Variants in GNL1 observed in about 807,000 individuals in gnomAD.
GNL1 encodes the protein G protein nucleolar 1, also known as guanine nucleotide-binding protein-like 1.
In GNL1, 21 loss-of-function variants were observed where a neutral mutation model predicts 75.2. The observed-to-expected ratio is 0.28, with a 90% CI of 0.20 to 0.40. The LOEUF is 0.40. Among genes scored for constraint, GNL1 ranks in the 10% least tolerant of loss-of-function variants. The probability of loss-of-function intolerance (pLI) is 1.00; values close to 1 mark genes in which losing one functional copy is unlikely to be tolerated. For missense variants in GNL1, 579 were observed against 775.0 expected (o/e 0.75, Z 3.00); for synonymous variants, 287 against 303.4 (o/e 0.95, Z 0.56).
At chr6:30,553,907 G>A (rs1799963871) in intron 5 of GNL1, among the ~76,000 whole-genome samples, 1 of 152,228 alleles carries the variant, frequency 6.6e-6, no homozygotes, top group African/African-American at 2.4e-5. Context: ...AACTATGTAA[G>A]TGTGTACACG....
rs1800076003 is a variant in GNL1 at position 30,555,269 on chromosome 6, A to G, written c.240-78T>C. The G allele has an allele frequency of 1.9e-6, 3 of 1,554,570 alleles. No homozygotes were observed. Among genetic ancestry groups the G allele is most frequent in the Non-Finnish European group, 1.8e-6 (2 of 1,131,886 alleles). The stretch of plus-strand genomic sequence containing the variant: ...TATTTTCTCCCCTCTTGTACAATCA[A>G]CTTCGCAAACCATTCTCTCCAGAGT... On this transcript the variant is annotated intron_variant, in intron 2 of 11. Coordinates refer to ENST00000376621, the MANE Select transcript of GNL1 (RefSeq NM_005275.5). This position sits in a 1 kb window ranked among gnomAD's most constrained non-coding sequence, Gnocchi z 4.3.
Position 30,556,037 on chromosome 6 carries a change from C to T in GNL1, c.73+94G>A. The T allele has an allele frequency of 2.7e-6, 4 of 1,482,620 alleles. No homozygotes were observed. The highest frequency in any genetic ancestry group is 3.7e-6 in the Non-Finnish European group (4 of 1,078,268). The allele number at this position is 1,482,620 out of a possible 1,614,324, so 91.8% of individuals were successfully genotyped here. The stretch of plus-strand genomic sequence containing the variant: ...GAGGGTTGACGCGGTCCCACGACCC[C>T]CTCCCACGATCCCCAGAGGTGCAGC... On this transcript the variant is annotated intron_variant, in intron 1 of 11. Transcript: ENST00000376621. The surrounding 1 kb of genome is among the most constrained non-coding windows in gnomAD (Gnocchi z 5.7).
Position 30,546,552 on chromosome 6 carries a change from GAT to G in GNL1, c.1582+142_1582+143del, listed in dbSNP as rs1160906556. 9 of 755,530 alleles carry G rather than the reference GAT, an allele frequency of 1.2e-5. No homozygotes were observed. Among genetic ancestry groups the G allele is most frequent in the Non-Finnish European group, 1.6e-5 (7 of 448,500 alleles). The allele number at this position is 755,530 out of a possible 1,614,324, so 46.8% of individuals were successfully genotyped here. A position where few individuals can be genotyped will look rare whatever the true frequency, so the allele number is the denominator to read the frequency against. Reference sequence around the variant, plus strand: ...GGTCAATTATTACCCTCAGTTTGCAGATCAGGAAAATATCACAGATGTTAAGT... The same window carrying G: ...GGTCAATTATTACCCTCAGTTTGCAGCAGGAAAATATCACAGATGTTAAGT... On this transcript the variant is annotated intron_variant, in intron 11 of 11. Coordinates refer to ENST00000376621, the MANE Select transcript of GNL1 (RefSeq NM_005275.5). This position sits in a 1 kb window ranked among gnomAD's most constrained non-coding sequence, Gnocchi z 5.1.
Position 30,547,901 on chromosome 6 carries a change from G to C in GNL1, c.1100-371C>G, listed in dbSNP as rs1035972081. The C allele has an allele frequency of 4.0e-6, 1 of 248,396 alleles. No individual in the cohort carries two copies. Among genetic ancestry groups the C allele is most frequent in the Non-Finnish European group, 7.7e-6 (1 of 130,282 alleles). The allele number at this position is 248,396 out of a possible 1,614,324, so 15.4% of individuals were successfully genotyped here. On this transcript the variant is annotated intron_variant, in intron 8 of 11. Coordinates refer to ENST00000376621, the MANE Select transcript of GNL1 (RefSeq NM_005275.5). This position sits in a 1 kb window ranked among gnomAD's most constrained non-coding sequence, Gnocchi z 5.5. ...TTACTATGACTTGGCCTGGCACAGT[G>C]GCTCACGCTTGTAATCCCAGCGTGA...
At position 30,547,423 on chromosome 6, in the gene GNL1, G is replaced by C; in HGVS notation, c.1207C>G (p.Leu403Val). 6.2e-7 allele frequency: 1 copy of C among 1,614,092 alleles called. No homozygotes were observed. The highest frequency in any genetic ancestry group is 8.5e-7 in the Non-Finnish European group (1 of 1,179,992). The change falls in exon 9 of 12, where the codon CTT (leucine) becomes GTT (valine). Residue 403 changes from leucine (L) to valine (V), a missense_variant. Leu to Val is a conservative substitution (Grantham distance 32, BLOSUM62 1). Coordinates refer to ENST00000376621, the MANE Select transcript of GNL1 (RefSeq NM_005275.5). The surrounding 1 kb of genome is among the most constrained non-coding windows in gnomAD (Gnocchi z 5.5). ...TCACAGAGCTTCACAGAGGGGGTAA[G>C]AAAGTAGGTCTGAAAGTATCGGGTA... is the stretch of plus-strand genomic sequence containing the variant. ...GHTRYFQTYF[L>V]TPSVKLCDCP...
chr6:30,546,795 G>T lies in GNL1; in HGVS notation c.1483C>A (p.Arg495=). 6.3e-7 allele frequency: 1 copy of T among 1,596,408 alleles called. No homozygotes were observed. Among genetic ancestry groups the T allele is most frequent in the South Asian group, 1.1e-5 (1 of 90,608 alleles). Residue 495 remains arginine, a synonymous_variant, in exon 11 of 12, where the codon CGG becomes AGG. Transcript: ENST00000376621. This position sits in a 1 kb window ranked among gnomAD's most constrained non-coding sequence, Gnocchi z 5.1. ...TTGGCTGCTCTGTACACATCATTCC[G>T]AGCCGCCTTGGCTGTCTTGTAACCA... ...KRGYKTAKAA[R]NDVYRAANSL...
In GNL1 at chr6:30,555,335, C is replaced by A; in HGVS notation, c.240-144G>T. On this transcript the variant is annotated intron_variant, in intron 2 of 11. Coordinates refer to ENST00000376621, the MANE Select transcript of GNL1 (RefSeq NM_005275.5). The surrounding 1 kb of genome is among the most constrained non-coding windows in gnomAD (Gnocchi z 4.3). ...TCTCAAGTCAGACTTCCCCCAAGTC[C>A]TTCTTTCAGGCAATACTCAGCCTTC... 9.3e-7 allele frequency: 1 copy of A among 1,076,300 alleles called. No homozygotes were observed. Among genetic ancestry groups the A allele is most frequent in the Non-Finnish European group, 1.4e-6 (1 of 728,082 alleles). The allele number at this position is 1,076,300 out of a possible 1,614,324, so 66.7% of individuals were successfully genotyped here. A position where few individuals can be genotyped will look rare whatever the true frequency, so the allele number is the denominator to read the frequency against.
rs1799521773 is a variant in GNL1, at chr6:30,547,436, A to T, written c.1194T>A (p.Phe398Leu). 1.2e-6 allele frequency: 2 copies of T among 1,613,894 alleles called. No homozygotes were observed. Among genetic ancestry groups the T allele is most frequent in the Non-Finnish European group, 1.7e-6 (2 of 1,179,960 alleles). Reference protein sequence around the residue: ...VSRTPGHTRYFQTYFLTPSVK... With the variant: ...VSRTPGHTRYLQTYFLTPSVK... ...CAGAGGGGGTAAGAAAGTAGGTCTGAAAGTATCGGGTATGGCCCGGGGTTC... is the reference window on the plus strand; with the variant it reads ...CAGAGGGGGTAAGAAAGTAGGTCTGTAAGTATCGGGTATGGCCCGGGGTTC... Residue 398 changes from phenylalanine to leucine, a missense_variant, in exon 9 of 12, where the codon TTT (phenylalanine) becomes TTA (leucine). Phe to Leu is a conservative substitution (Grantham distance 22). Coordinates refer to ENST00000376621, the MANE Select transcript of GNL1 (RefSeq NM_005275.5). This position sits in a 1 kb window ranked among gnomAD's most constrained non-coding sequence, Gnocchi z 5.5.
rs2127382340 is a variant in GNL1, at chr6:30,555,853, G to A, written c.74-133C>T. On this transcript the variant is annotated intron_variant, in intron 1 of 11. Coordinates refer to ENST00000376621, the MANE Select transcript of GNL1 (RefSeq NM_005275.5). The surrounding 1 kb of genome is among the most constrained non-coding windows in gnomAD (Gnocchi z 4.3). ...TTCAGTCCTCCCAGACACCCTATTT[G>A]GGACCCTCCCGGATGTGCGTGGGGG... 9.8e-7 allele frequency: 1 copy of A among 1,025,358 alleles called. No homozygotes were observed. Among genetic ancestry groups the A allele is most frequent in the African/African-American group, 1.6e-5 (1 of 62,664 alleles). 63.5% of individuals were successfully genotyped at this position (1,025,358 alleles called of 1,614,324 possible).
Position 30,547,162 on chromosome 6 carries a change from G to A in GNL1, c.1391C>T (p.Ala464Val), listed in dbSNP as rs778493539. The A allele has an allele frequency of 1.9e-6, 3 of 1,613,146 alleles. No individual in the cohort carries two copies. The highest frequency in any genetic ancestry group is 2.5e-6 in the Non-Finnish European group (3 of 1,179,874). The change falls in exon 10 of 12, where the codon GCT becomes GTT. Residue 464 changes from alanine (A) to valine (V), a missense_variant. By Grantham distance (64) the Ala-to-Val change is moderately conservative. Transcript: ENST00000376621. The surrounding 1 kb of genome is among the most constrained non-coding windows in gnomAD (Gnocchi z 5.5). ...QALLHLRHPE[A>V]EDPSAEHPWC... is the part of the protein sequence containing the mutation. ...GGGGTGTTCCGCTGAGGGGTCCTCAGCCTCTGGGTGGCGCAGGTGGAGCAG... is the reference window on the plus strand; with the variant it reads ...GGGGTGTTCCGCTGAGGGGTCCTCAACCTCTGGGTGGCGCAGGTGGAGCAG...
rs1362398054 is a variant in GNL1, at chr6:30,552,564, T to C, written c.1002A>G (p.Pro334=). The C allele has an allele frequency of 2.5e-6, 4 of 1,614,032 alleles. No individual in the cohort carries two copies. Among genetic ancestry groups the C allele is most frequent in the Admixed American group, 1.7e-5 (1 of 60,002 alleles). Residue 334 remains proline, a synonymous_variant, in exon 8 of 12, where the codon CCA becomes CCG. Transcript: ENST00000376621. The surrounding 1 kb of genome is among the most constrained non-coding windows in gnomAD (Gnocchi z 4.5). ...SGEEEEEEDG[P]AVLVEQQTDS... is the part of the protein sequence containing the mutation. ...CAGTCTGCTGCTCCACCAGGACTGC[T>C]GGGCCATCCTCCTCTTCCTCCTCCT...
In GNL1 at chr6:30,552,220, C is replaced by CG; in HGVS notation, c.1099+246_1099+247insC. 2.1e-6 allele frequency: 1 copy of CG among 477,544 alleles called. No individual in the cohort carries two copies. The highest frequency in any genetic ancestry group is 3.7e-6 in the Non-Finnish European group (1 of 270,306). The allele number at this position is 477,544 out of a possible 1,614,324, so 29.6% of individuals were successfully genotyped here. Reference sequence around the variant, plus strand: ...GTCCTTATTTTTAAAATCAAAGTAACTAAGACTCAGAGTAGCAAAATCACT... The same window carrying CG: ...GTCCTTATTTTTAAAATCAAAGTAACGTAAGACTCAGAGTAGCAAAATCACT... On this transcript the variant is annotated intron_variant, in intron 8 of 11. Transcript: ENST00000376621. This position sits in a 1 kb window ranked among gnomAD's most constrained non-coding sequence, Gnocchi z 4.5.
chr6:30,541,383 G>C lies in GNL1; in HGVS notation c.*4689C>G, dbSNP rs1005566945. On this transcript the variant is annotated 3_prime_UTR_variant, in exon 12 of 12. Coordinates refer to ENST00000376621, the MANE Select transcript of GNL1 (RefSeq NM_005275.5). ...TAAAGAAACATATCCAAACTTTGTTGTCTCTTCATTCAAGTTTGGCTTTAA... is the reference window on the plus strand; with the variant it reads ...TAAAGAAACATATCCAAACTTTGTTCTCTCTTCATTCAAGTTTGGCTTTAA... The C allele has an allele frequency of 2.0e-5, 3 of 152,094 alleles. No homozygotes were observed. Among genetic ancestry groups the C allele is most frequent in the Admixed American group, 6.6e-5 (1 of 15,264 alleles). The allele number at this position is 152,094 out of a possible 1,614,324, so 9.4% of individuals were successfully genotyped here.
At chr6:30,550,905 C>T (rs1384746794) in intron 8 of GNL1, among the ~76,000 whole-genome samples, 1 of 152,144 alleles carries the variant, frequency 6.6e-6, no homozygotes, top group Non-Finnish European at 1.5e-5. Flanking sequence ...TCATCCAGTT[C>T]TCTCCTCAGG....
rs1800114735 is a variant in GNL1, at chr6:30,555,689, G to A, written c.105C>T (p.Asn35=). The A allele has an allele frequency of 6.2e-7, 1 of 1,613,630 alleles. No homozygotes were observed. The highest frequency in any genetic ancestry group is 1.3e-5 in the African/African-American group (1 of 75,034). The change falls in exon 2 of 12, where the codon AAC becomes AAT. Residue 35 remains asparagine, a synonymous_variant. Transcript: ENST00000376621. The surrounding 1 kb of genome is among the most constrained non-coding windows in gnomAD (Gnocchi z 4.3). ...GLQDGLRSSS[N]SRSGSRERRE... ...GCCGCTCCCGGCTCCCGCTGCGGCT[G>A]TTGGAACTGGAGCGCAGCCCATCTT... is the stretch of plus-strand genomic sequence containing the variant.
Position 30,542,429 on chromosome 6 carries a change from G to A in GNL1, c.*3643C>T, listed in dbSNP as rs1799221062. 1 of 152,284 alleles carries A rather than the reference G, an allele frequency of 6.6e-6. No individual in the cohort carries two copies. The highest frequency in any genetic ancestry group is 2.4e-5 in the African/African-American group (1 of 41,356). 9.4% of individuals were successfully genotyped at this position (152,284 alleles called of 1,614,324 possible). ...CCTTCTCTGCTCCCCACACCTATAT[G>A]TTGATGATGCCCAAATCTCTGTCTC... On this transcript the variant is annotated 3_prime_UTR_variant, in exon 12 of 12. Transcript: ENST00000376621. This position sits in a 1 kb window ranked among gnomAD's most constrained non-coding sequence, Gnocchi z 4.5.
Position 30,552,469 on chromosome 6 carries a change from A to G in GNL1, c.1097T>C (p.Val366Ala). The G allele has an allele frequency of 6.2e-7, 1 of 1,611,162 alleles. No homozygotes were observed. Among genetic ancestry groups the G allele is most frequent in the Non-Finnish European group, 8.5e-7 (1 of 1,178,040 alleles). ...YKDGVVTIGC[V>A]GFPNVGKSSL... Reference sequence around the variant, plus strand: ...CGCACAAGCTGCCACTTCCTTACCCACACAGCCGATGGTCACCACCCCATC... The same window carrying G: ...CGCACAAGCTGCCACTTCCTTACCCGCACAGCCGATGGTCACCACCCCATC... Residue 366 changes from valine to alanine, a missense_variant and splice_region_variant, in exon 8 of 12, where the codon GTG becomes GCG. By Grantham distance (64) the Val-to-Ala change is moderately conservative (BLOSUM62 0). Transcript: ENST00000376621. The surrounding 1 kb of genome is among the most constrained non-coding windows in gnomAD (Gnocchi z 4.5).
At position 30,547,196 on chromosome 6, in the gene GNL1, C is replaced by T. The variant is rs761401005; in HGVS notation, c.1357G>A (p.Val453Met). 1.8e-5 allele frequency: 29 copies of T among 1,612,854 alleles called. No individual in the cohort carries two copies. Among genetic ancestry groups the T allele is most frequent in the African/African-American group, 2.7e-5 (2 of 74,860 alleles). The change falls in exon 10 of 12, where the codon GTG becomes ATG. Residue 453 changes from valine to methionine, a missense_variant. Coordinates refer to ENST00000376621, the MANE Select transcript of GNL1 (RefSeq NM_005275.5). This position sits in a 1 kb window ranked among gnomAD's most constrained non-coding sequence, Gnocchi z 5.5. Reference protein sequence around the residue: ...AVGYLASRIPVQALLHLRHPE... With the variant: ...AVGYLASRIPMQALLHLRHPE... ...TGGCGCAGGTGGAGCAGGGCCTGCA[C>T]GGGAATTCGGGAGGCCAGGTAGCCC...
rs949029422 is a variant in GNL1, at chr6:30,544,377, T to C, written c.*1695A>G. 1.3e-5 allele frequency: 2 copies of C among 152,214 alleles called. No homozygotes were observed. The highest frequency in any genetic ancestry group is 2.9e-5 in the Non-Finnish European group (2 of 68,062). The allele number at this position is 152,214 out of a possible 1,614,324, so 9.4% of individuals were successfully genotyped here. A position where few individuals can be genotyped will look rare whatever the true frequency, so the allele number is the denominator to read the frequency against. On this transcript the variant is annotated 3_prime_UTR_variant, in exon 12 of 12. Coordinates refer to ENST00000376621, the MANE Select transcript of GNL1 (RefSeq NM_005275.5). ...CAAATAGAATTCTGATTTTTCTCCT[T>C]TCTCTCCATATTTTGAGGAAATGAA...
Sources: allele counts gnomAD v4.1 joint callset (sites outside exome capture counted in the v4.1 genomes callset), GRCh38; gene constraint gnomAD v4.1.1; non-coding constraint Gnocchi (gnomAD v3.1); transcripts MANE v1.5; gene names NCBI Gene and HGNC (gene_info 2026-07-23, HGNC 2026-07-21).